FSTL5: variants seen among roughly 807,000 people sequenced by gnomAD.
The protein encoded by FSTL5 is follistatin like 5, also known as follistatin-related protein 5.
FSTL5 carries 62 observed loss-of-function variants against 89.1 expected under a neutral mutation model. The observed-to-expected ratio is 0.70, with a 90% CI of 0.57 to 0.86. FSTL5 has a LOEUF of 0.86. FSTL5 is among the 40% of genes least tolerant of loss of function. FSTL5 has a pLI of 0.00. For missense variants in FSTL5, 1,057 were observed against 1,001.6 expected (o/e 1.06, Z -0.75); for synonymous variants, 383 against 346.2 (o/e 1.11, Z -1.18).
In FSTL5 at chr4:161,488,654, G is replaced by A. The variant is rs1172619469; in HGVS notation, c.1459-7485C>T. 5.3e-5 allele frequency among the ~76,000 whole-genome samples: 8 copies of A among 152,044 alleles called. No homozygotes were observed. In the East Asian group the frequency reaches 7.7e-4, roughly 15 times the overall value. On this transcript the variant is annotated intron_variant, in intron 12 of 15. Coordinates refer to ENST00000306100, the MANE Select transcript of FSTL5 (RefSeq NM_020116.5). ...ATAATGATATTACCTATCACATGGC[G>A]TTATTGTGAGAAGTAAATAAAATCA...
rs569842058 is a variant in FSTL5 at position 161,423,433 on chromosome 4, G to A, written c.1841+31571C>T. On this transcript the variant is annotated intron_variant, in intron 15 of 15. Transcript: ENST00000306100. ...TCTCAATTGCTTTCATTGACTATAT[G>A]TGTTTGAATTTTAGATTTTTTAAAA... is the stretch of plus-strand genomic sequence containing the variant. Among the ~76,000 whole-genome samples, 203 of 152,178 alleles carry A rather than the reference G, an allele frequency of 1.3e-3. 1 individual carries two copies. The highest frequency in any genetic ancestry group is 2.5e-3 in the Non-Finnish European group (172 of 68,002).
At chr4:162,083,243 T>C (rs940976216) in intron 2 of FSTL5, among the ~76,000 whole-genome samples, 3 of 151,818 alleles carry the variant, frequency 2.0e-5, no homozygotes, top group African/African-American at 7.2e-5. Context: ...ATACAAGTAC[T>C]AACATTTTGT....
intron 6 of FSTL5, among the ~76,000 whole-genome samples, chr4:161,686,343 TATA>T (rs1353904512): frequency 6.4e-4 from 5 of 7,864 alleles, no homozygotes; most frequent in African/African-American, 7.5e-4. Flanking sequence ...TATATATATA[TATA>T]TTTTTTTTTT....
At chr4:161,765,332 C>T (rs114347270) in intron 5 of FSTL5, among the ~76,000 whole-genome samples, 82 of 152,248 alleles carry the variant, frequency 5.4e-4, no homozygotes, top group African/African-American at 1.9e-3. Context: ...CATACAAGTG[C>T]TTATTTATTT....
chr4:162,140,967 A>G (rs541337876), intron 1 of FSTL5, among the ~76,000 whole-genome samples: 22 of 151,960 alleles, frequency 1.4e-4, no homozygotes, highest in African/African-American at 4.6e-4. Context: ...GCCTGGTGGG[A>G]GGTGTTTGGG....
chr4:161,896,112 T>C (rs1442805881), intron 4 of FSTL5, among the ~76,000 whole-genome samples: 1 of 152,180 alleles, frequency 6.6e-6, no homozygotes, highest in Non-Finnish European at 1.5e-5. Context: ...ACTTTTGATA[T>C]ATTGTCATTA....
chr4:161,949,929 T>C (rs998531483), intron 3 of FSTL5, among the ~76,000 whole-genome samples: 1 of 152,162 alleles, frequency 6.6e-6, no homozygotes, highest in East Asian at 1.9e-4. Flanking sequence ...AAATCTAAGA[T>C]ATTTCTACAT....
chr4:161,946,508 A>G (rs1237967169), intron 3 of FSTL5, among the ~76,000 whole-genome samples: 1 of 152,218 alleles, frequency 6.6e-6, no homozygotes, highest in Non-Finnish European at 1.5e-5. Context: ...AATCAATCAC[A>G]CAATATGTAT....
intron 4 of FSTL5, among the ~76,000 whole-genome samples, chr4:161,914,366 T>TTA (rs527613476): frequency 1.8e-3 from 277 of 152,280 alleles, no homozygotes; most frequent in African/African-American, 6.3e-3. Flanking sequence ...AAGTTAATTC[T>TTA]TATATATATA....
At chr4:161,901,860 G>A (rs1017016108) in intron 4 of FSTL5, among the ~76,000 whole-genome samples, 6 of 152,086 alleles carry the variant, frequency 3.9e-5, no homozygotes, top group Non-Finnish European at 7.4e-5. Context: ...GCTTGAACCC[G>A]GGAGGCAGAG....
chr4:161,697,686 C>T (rs114737814), intron 6 of FSTL5, among the ~76,000 whole-genome samples: 1,935 of 152,192 alleles, frequency 0.013, 33 homozygotes, highest in African/African-American at 0.037. Context: ...GAATGAAATC[C>T]TGTCATTCGC....
In FSTL5 at chr4:161,587,462, T is replaced by G; in HGVS notation, c.1008A>C (p.Gln336His). The G allele has an allele frequency of 6.2e-7, 1 of 1,613,346 alleles. No individual in the cohort carries two copies. Among genetic ancestry groups the G allele is most frequent in the Non-Finnish European group, 8.5e-7 (1 of 1,179,500 alleles). The change falls in exon 8 of 16, where the codon CAA becomes CAC. Residue 336 changes from glutamine to histidine, a missense_variant. This residue lies in a region of FSTL5 where 980 missense variants were observed against 903.2 expected (regional missense o/e 1.08). Coordinates refer to ENST00000306100, the MANE Select transcript of FSTL5 (RefSeq NM_020116.5). ...ACAAAAATCACTTCTTACCATTCACTTGGAAGATGTGAGTCTGATAGACTT... is the reference window on the plus strand; with the variant it reads ...ACAAAAATCACTTCTTACCATTCACGTGGAAGATGTGAGTCTGATAGACTT... ...YEQVYQTHIF[Q>H]VNVPPVIRVY...
chr4:162,029,632 T>A (rs974031620), intron 3 of FSTL5, among the ~76,000 whole-genome samples: 1 of 152,116 alleles, frequency 6.6e-6, no homozygotes, highest in Non-Finnish European at 1.5e-5. Flanking sequence ...AGAACACTAT[T>A]GTGATGTGTT....
intron 3 of FSTL5, among the ~76,000 whole-genome samples, chr4:161,994,985 C>T (rs1736246654): frequency 1.3e-5 from 2 of 152,072 alleles, no homozygotes; most frequent in South Asian, 4.1e-4. Context: ...ATTGTATTGC[C>T]TAGGTTGTCT....
chr4:161,489,565 G>C (rs556129328), intron 12 of FSTL5, among the ~76,000 whole-genome samples: 1 of 152,186 alleles, frequency 6.6e-6, no homozygotes, highest in South Asian at 2.1e-4. Flanking sequence ...CAAAGAATTA[G>C]ATGTGTTTAA....
intron 4 of FSTL5, among the ~76,000 whole-genome samples, chr4:161,886,127 A>G (rs1426492166): frequency 2.0e-5 from 3 of 152,206 alleles, no homozygotes; most frequent in Admixed American, 1.3e-4. Flanking sequence ...CCCTACACAG[A>G]GATTACTATC....
intron 6 of FSTL5, among the ~76,000 whole-genome samples, chr4:161,752,497 C>A (rs1425826122): frequency 6.6e-6 from 1 of 152,202 alleles, no homozygotes; most frequent in Non-Finnish European, 1.5e-5. Context: ...ATCATCAGCA[C>A]TTTTGCTTCT....
chr4:161,958,008 CACTGAT>C (rs1686458321), intron 3 of FSTL5, among the ~76,000 whole-genome samples: 1 of 152,020 alleles, frequency 6.6e-6, no homozygotes, highest in African/African-American at 2.4e-5. Flanking sequence ...TCCCACAACT[CACTGAT>C]ACTATTTTTT....
At chr4:161,617,703 A>C (rs1734948991) in intron 7 of FSTL5, among the ~76,000 whole-genome samples, 1 of 152,228 alleles carries the variant, frequency 6.6e-6, no homozygotes, top group Non-Finnish European at 1.5e-5. Flanking sequence ...GAAACAAAAA[A>C]GACCTGAGAA....
Sources: gnomAD v4.1 joint callset for allele counts (sites outside exome capture counted in the v4.1 genomes callset) on GRCh38, gnomAD v4.1.1 for gene constraint, gnomAD v4.1.1 regional missense constraint, MANE v1.5 for transcripts, NCBI Gene and HGNC (gene_info 2026-07-23, HGNC 2026-07-21) for gene names.